DCC: variants seen among roughly 807,000 people sequenced by gnomAD.
DCC encodes the protein netrin receptor DCC.
DCC carries 58 observed loss-of-function variants against 172.5 expected under a neutral mutation model. The observed-to-expected ratio is 0.34, with a 90% confidence interval of 0.27 to 0.42. The LOEUF (loss-of-function observed/expected upper bound fraction) is 0.42. Ranked by LOEUF, DCC falls within the 10% of genes least tolerant of loss-of-function variation. The pLI is 1.00. For synonymous variants in DCC, 709 were observed against 644.5 expected (o/e 1.10, Z -1.52); for missense variants, 1,740 against 1,791.0 (o/e 0.97, Z 0.51).
At chr18:53,438,496 G>A (rs1042245114) in intron 22 of DCC, among the ~76,000 whole-genome samples, 10 of 152,088 alleles carry the variant, frequency 6.6e-5, no homozygotes, top group Admixed American at 1.3e-4. Context: ...ATTATAAAAG[G>A]GATTGCCATC....
chr18:53,157,569 G>C, intron 8 of DCC, 57 bp downstream of exon 8: 12 of 1,581,116 alleles, frequency 7.6e-6, no homozygotes, highest in Non-Finnish European at 1.0e-5. Flanking sequence ...AAGTCAATAC[G>C]GTTGGGTAAT....
chr18:53,331,744 C>T (rs1388584758), intron 14 of DCC, among the ~76,000 whole-genome samples: 4 of 152,100 alleles, frequency 2.6e-5, no homozygotes, highest in Admixed American at 6.6e-5. Context: ...ACAGAGACCA[C>T]GCTTGTCTAA....
chr18:53,511,032 T>G (rs1357458034), intron 27 of DCC, among the ~76,000 whole-genome samples: 2 of 152,226 alleles, frequency 1.3e-5, no homozygotes, highest in African/African-American at 2.4e-5. Flanking sequence ...CTTTATCTTC[T>G]TTGAATTTTG....
chr18:53,047,904 TGTGTGTG>T (rs1358381693), intron 5 of DCC, among the ~76,000 whole-genome samples: 1 of 61,002 alleles, frequency 1.6e-5, no homozygotes, highest in African/African-American at 1.9e-4. Context: ...TCCTTCGAGA[TGTGTGTG>T]TGTGTGTGTG....
intron 25 of DCC, among the ~76,000 whole-genome samples, chr18:53,478,553 G>T (rs966075808): frequency 3.9e-5 from 6 of 152,000 alleles, no homozygotes; most frequent in Non-Finnish European, 8.8e-5. Flanking sequence ...GTAAATATTT[G>T]AGGGAAAAAA....
At chr18:52,572,540 C>T (rs1438237199) in intron 1 of DCC, among the ~76,000 whole-genome samples, 1 of 152,158 alleles carries the variant, frequency 6.6e-6, no homozygotes, top group Non-Finnish European at 1.5e-5. Context: ...GCTTCTAGAG[C>T]TCCTGGAGTC....
At chr18:52,414,962 G>T (rs1234880783) in intron 1 of DCC, among the ~76,000 whole-genome samples, 1 of 152,206 alleles carries the variant, frequency 6.6e-6, no homozygotes, top group East Asian at 1.9e-4. Context: ...AGTTCTAGCA[G>T]TGAATTACAA....
intron 5 of DCC, among the ~76,000 whole-genome samples, chr18:53,059,691 CATTA>C (rs1338798833): frequency 4.6e-5 from 7 of 152,126 alleles, no homozygotes; most frequent in Admixed American, 1.3e-4. Flanking sequence ...TTTTTCTTAT[CATTA>C]ATTGACTTTT....
intron 11 of DCC, among the ~76,000 whole-genome samples, chr18:53,212,667 TTTTTTTTTTTTC>T (rs199935945): frequency 0.37 from 55,000 of 147,842 alleles, 10,712 homozygotes; most frequent in Non-Finnish European, 0.44. Context: ...TCAATTCTTG[TTTTTTTTTTTTC>T]TTTTTTTTTG....
intron 1 of DCC, among the ~76,000 whole-genome samples, chr18:52,371,159 A>T (rs1483521525): frequency 6.6e-6 from 1 of 151,652 alleles, no homozygotes; most frequent in African/African-American, 2.4e-5. Context: ...GCTGATTTAA[A>T]AAAAAAAATC....
chr18:52,815,411 T>TACACACACACACACACACACAC (rs34924244), intron 2 of DCC, among the ~76,000 whole-genome samples: 84 of 150,112 alleles, frequency 5.6e-4, no homozygotes, highest in African/African-American at 2.0e-3. Flanking sequence ...TTCTCACACG[T>TACACACACACACACACACACAC]ACACACACAC....
chr18:53,402,686 C>A (rs1909385405), intron 18 of DCC, 100 bp from the exon 19 acceptor site: 4 of 902,256 alleles, frequency 4.4e-6, no homozygotes, highest in Non-Finnish European at 7.5e-6. Context: ...TGATATACTT[C>A]TTGATAGATT....
chr18:53,148,603 A>G (rs2043951113), intron 7 of DCC, among the ~76,000 whole-genome samples: 2 of 152,192 alleles, frequency 1.3e-5, no homozygotes, highest in African/African-American at 4.8e-5. Flanking sequence ...ATAGTGACAG[A>G]TGGAAAGGGT....
intron 5 of DCC, among the ~76,000 whole-genome samples, chr18:53,035,600 A>C (rs576175961): frequency 2.0e-5 from 3 of 152,254 alleles, no homozygotes; most frequent in African/African-American, 7.2e-5. Context: ...TATTATGAGC[A>C]TATTGCTCAA....
intron 1 of DCC, among the ~76,000 whole-genome samples, chr18:52,670,656 A>G (rs978125130): frequency 6.6e-6 from 1 of 152,188 alleles, no homozygotes; most frequent in Admixed American, 6.5e-5. Flanking sequence ...CCTAGCCAAC[A>G]TGGCGAAACC....
chr18:52,376,483 A>ATGTGTGTGTGTG (rs35302015), intron 1 of DCC, among the ~76,000 whole-genome samples: 8 of 150,074 alleles, frequency 5.3e-5, no homozygotes, highest in African/African-American at 2.0e-4. Context: ...GTATATTTCT[A>ATGTGTGTGTGTG]TGTGTGTGTG....
intron 21 of DCC, among the ~76,000 whole-genome samples, chr18:53,427,314 G>C (rs1009124312): frequency 6.6e-6 from 1 of 152,098 alleles, no homozygotes; most frequent in African/African-American, 2.4e-5. Flanking sequence ...CTAGAGGCAA[G>C]TGTGCATAAA....
chr18:52,668,946 A>G (rs1454524968), intron 1 of DCC, among the ~76,000 whole-genome samples: 1 of 152,210 alleles, frequency 6.6e-6, no homozygotes, highest in Non-Finnish European at 1.5e-5. Flanking sequence ...GAGCTGATTT[A>G]TCAAGACAGG....
chr18:52,743,117 C>A lies in DCC; in HGVS notation c.92-8937C>A, dbSNP rs559234379. ...TGATTGGTCACTTCACAATAAATGG[C>A]ATCTCCAAAGCTTGTCTACTTGGCT... On this transcript the variant is annotated intron_variant, in intron 1 of 28. Coordinates refer to ENST00000442544, the MANE Select transcript of DCC (RefSeq NM_005215.4). 3.3e-5 allele frequency among the ~76,000 whole-genome samples: 5 copies of A among 152,272 alleles called. No individual in the cohort carries two copies. The South Asian group carries it at 1.0e-3, about 32-fold the overall frequency.
Sources: allele counts gnomAD v4.1 joint callset (sites outside exome capture counted in the v4.1 genomes callset), GRCh38; gene constraint gnomAD v4.1.1; transcripts MANE v1.5; gene names NCBI Gene and HGNC (gene_info 2026-07-23, HGNC 2026-07-21).